Variants in ANK2 observed in about 807,000 individuals in gnomAD.
The protein encoded by ANK2 is ankyrin-2.
A neutral mutation model predicts 360.5 loss-of-function variants in ANK2; 83 were observed. That is an observed-to-expected ratio of 0.23 (90% CI 0.19 to 0.28). ANK2 has a LOEUF of 0.28. ANK2 is among the 10% of genes least tolerant of loss of function. The pLI, the probability that ANK2 is intolerant of heterozygous loss-of-function variation, is 1.00. For missense variants in ANK2, 4,201 were observed against 4,795.7 expected (o/e 0.88, Z 3.66); for synonymous variants, 1,740 against 1,759.5 (o/e 0.99, Z 0.28).
Position 113,348,345 on chromosome 4 carries a change from T to C in ANK2, c.4404+37T>C, listed in dbSNP as rs189883943. On this transcript the variant is annotated intron_variant, in intron 36 of 45. Coordinates refer to ENST00000357077, the MANE Select transcript of ANK2 (RefSeq NM_001148.6). ...ACAGTGTCACTTGTTATCGGCTGTG[T>C]CATTGCTGTAACCACTAATAAGAGC... The C allele has an allele frequency of 1.0e-3, 1,650 of 1,605,004 alleles. 29 individuals carry two copies. The East Asian group carries it at 0.03, about 29-fold the overall frequency.
intron 2 of ANK2, among the ~76,000 whole-genome samples, chr4:113,004,500 A>C (rs1372628164): frequency 6.6e-6 from 1 of 152,156 alleles, no homozygotes; most frequent in East Asian, 1.9e-4. Flanking sequence ...GCTCCACTGG[A>C]AGGTCTTCAG....
At chr4:113,208,882 T>C (rs975681548) in intron 4 of ANK2, among the ~76,000 whole-genome samples, 23 of 151,790 alleles carry the variant, frequency 1.5e-4, no homozygotes, top group Admixed American at 1.3e-3. Context: ...CTAAAAGAAA[T>C]ATAAGTGGTT....
chr4:113,089,851 A>G (rs1195247577), intron 1 of ANK2, among the ~76,000 whole-genome samples: 1 of 46,444 alleles, frequency 2.2e-5, no homozygotes, highest in Non-Finnish European at 4.1e-5. Flanking sequence ...AAAATAAAAA[A>G]GCTGATAAAA....
chr4:113,364,049 A>G (rs1337928879), intron 40 of ANK2, among the ~76,000 whole-genome samples: 1 of 152,138 alleles, frequency 6.6e-6, no homozygotes, highest in Admixed American at 6.6e-5. Context: ...CGAGCCCACC[A>G]TATTTGTTAT....
intron 22 of ANK2, among the ~76,000 whole-genome samples, chr4:113,302,153 T>C (rs2075330095): frequency 6.6e-6 from 1 of 152,194 alleles, no homozygotes. Flanking sequence ...TCCTTGTCTC[T>C]TAACCTTACA....
chr4:112,868,981 G>T (rs2071746849), intron 1 of ANK2, among the ~76,000 whole-genome samples: 3 of 150,966 alleles, frequency 2.0e-5, no homozygotes. Context: ...TTTTTTTTGA[G>T]ACAGGGTCTC....
At chr4:113,198,960 CT>C (rs1311985271) in intron 3 of ANK2, 50 bp from the exon 4 acceptor site, 1 of 1,488,628 alleles carries the variant, frequency 6.7e-7, no homozygotes. Context: ...ATTTTGATTT[CT>C]GCAAAATTCA....
chr4:113,245,496 C>A (rs2042366173), intron 9 of ANK2, among the ~76,000 whole-genome samples: 1 of 152,144 alleles, frequency 6.6e-6, no homozygotes, highest in South Asian at 2.1e-4. Context: ...GAAGCAGAAA[C>A]AAACACATCC....
chr4:113,338,061 AAAT>A (rs1245851607), intron 31 of ANK2, among the ~76,000 whole-genome samples: 3 of 152,324 alleles, frequency 2.0e-5, no homozygotes, highest in African/African-American at 7.2e-5. Context: ...AAAAATTAAC[AAAT>A]AATTTAATGT....
intron 1 of ANK2, chr4:112,826,712 G>A: frequency 1.2e-6 from 1 of 840,590 alleles, no homozygotes; most frequent in Non-Finnish European, 1.9e-6. Flanking sequence ...CAATGCCAGT[G>A]AACACCATAA....
intron 2 of ANK2, among the ~76,000 whole-genome samples, chr4:112,991,942 C>T (rs577939985): frequency 6.6e-6 from 1 of 152,042 alleles, no homozygotes; most frequent in South Asian, 2.1e-4. Flanking sequence ...GCAGAATGGC[C>T]CTTAACGTCT....
At chr4:113,344,286 A>G (rs2094587359) in intron 34 of ANK2, among the ~76,000 whole-genome samples, 1 of 152,228 alleles carries the variant, frequency 6.6e-6, no homozygotes, top group African/African-American at 2.4e-5. Context: ...CAATAAGCAT[A>G]TGAAGAGATG....
At chr4:113,064,576 T>C (rs1009402239) in intron 1 of ANK2, among the ~76,000 whole-genome samples, 3 of 152,212 alleles carry the variant, frequency 2.0e-5, no homozygotes, top group African/African-American at 4.8e-5. Flanking sequence ...GCTCAATTTG[T>C]GGTGGTGTGC....
intron 2 of ANK2, among the ~76,000 whole-genome samples, chr4:113,192,448 A>G (rs1361168320): frequency 3.9e-5 from 6 of 152,154 alleles, no homozygotes; most frequent in Non-Finnish European, 4.4e-5. Flanking sequence ...ATGCTACTTC[A>G]TGATTTGAAC....
intron 23 of ANK2, among the ~76,000 whole-genome samples, chr4:113,307,294 C>A (rs1185729804): frequency 6.6e-6 from 1 of 152,080 alleles, no homozygotes; most frequent in Non-Finnish European, 1.5e-5. Context: ...AGGTTTTAGC[C>A]CTTTTTCCAT....
intron 2 of ANK2, among the ~76,000 whole-genome samples, chr4:112,951,851 T>C (rs28576606): frequency 0.066 from 9,981 of 152,318 alleles, 437 homozygotes; most frequent in African/African-American, 0.12. Context: ...TAATTGATTA[T>C]AACAAATTGC....
intron 39 of ANK2, 130 bp downstream of exon 39, chr4:113,361,027 A>C: frequency 1.2e-6 from 1 of 851,376 alleles, no homozygotes; most frequent in Non-Finnish European, 1.9e-6. Context: ...TAAACTAAGA[A>C]CTAGAAAACC....
Position 113,337,530 on chromosome 4 carries a change from G to A in ANK2, c.3796+749G>A, listed in dbSNP as rs555693819. Among the ~76,000 whole-genome samples, 18 of 152,230 alleles carry A rather than the reference G, an allele frequency of 1.2e-4. No homozygotes were observed. The South Asian group carries it at 3.7e-3, about 32-fold the overall frequency. On this transcript the variant is annotated intron_variant, in intron 31 of 45. Coordinates refer to ENST00000357077, the MANE Select transcript of ANK2 (RefSeq NM_001148.6). ...CTCTATCAATAATTACATGGTGTTG[G>A]TATTCAGTAAATATTAGTACTATTA...
At chr4:113,029,615 A>G (rs1007153787) in intron 2 of ANK2, among the ~76,000 whole-genome samples, 2 of 151,974 alleles carry the variant, frequency 1.3e-5, no homozygotes, top group African/African-American at 2.4e-5. Context: ...TCAAGAAACT[A>G]TAGTAATTAG....
Sources: allele counts gnomAD v4.1 joint callset (sites outside exome capture counted in the v4.1 genomes callset), GRCh38; gene constraint gnomAD v4.1.1; transcripts MANE v1.5; gene names NCBI Gene and HGNC (gene_info 2026-07-23, HGNC 2026-07-21).